The following HDAC9 variants were observed in gnomAD, a reference collection of about 807,000 sequenced individuals.
HDAC9 encodes the protein histone deacetylase 9, also known as MEF-2 interacting transcription repressor (MITR) protein.
A neutral mutation model predicts 139.4 loss-of-function variants in HDAC9; 41 were observed. That is an observed-to-expected ratio of 0.29 (90% confidence interval 0.23 to 0.38). HDAC9 has a LOEUF of 0.38. Among genes scored for constraint, HDAC9 ranks in the 10% least tolerant of loss-of-function variants. The probability of loss-of-function intolerance (pLI) is 1.00; values close to 1 mark genes in which losing one functional copy is unlikely to be tolerated. For missense variants in HDAC9, 1,147 were observed against 1,297.0 expected (o/e 0.88, Z 1.78); for synonymous variants, 517 against 476.2 (o/e 1.09, Z -1.12).
At chr7:18,738,287 T>C (rs986260113) in intron 13 of HDAC9, among the ~76,000 whole-genome samples, 2 of 152,224 alleles carry the variant, frequency 1.3e-5, no homozygotes, top group African/African-American at 4.8e-5. Context: ...TATGTGTGAA[T>C]TTGATCCTGT....
chr7:18,436,724 A>G lies in HDAC9; in HGVS notation c.-41-59538A>G, dbSNP rs560981797. Among the ~76,000 whole-genome samples, 13 of 152,336 alleles carry G rather than the reference A, an allele frequency of 8.5e-5. No homozygotes were observed. In the South Asian group the frequency reaches 1.5e-3, roughly 17 times the overall value. ...AAGTGAGGCTTCATTTTAATACACA[A>G]TTTATAGTTAAATCATCTCTGTGTT... On this transcript the variant is annotated intron_variant, in intron 1 of 3. Coordinates refer to the HDAC9 transcript ENST00000413509.
At chr7:18,308,077 A>G (rs1332410917) in intron 1 of HDAC9, among the ~76,000 whole-genome samples, 1 of 152,226 alleles carries the variant, frequency 6.6e-6, no homozygotes, top group Non-Finnish European at 1.5e-5. Context: ...AAATATAAAA[A>G]TACATGTTTT....
At chr7:18,394,802 C>T (rs1167861051) in intron 1 of HDAC9, among the ~76,000 whole-genome samples, 2 of 152,126 alleles carry the variant, frequency 1.3e-5, no homozygotes, top group Non-Finnish European at 2.9e-5. Flanking sequence ...CTTAGCCGAA[C>T]TGTTGTATGG....
chr7:18,867,572 T>A (rs1798588366), intron 21 of HDAC9, among the ~76,000 whole-genome samples: 1 of 152,252 alleles, frequency 6.6e-6, no homozygotes, highest in African/African-American at 2.4e-5. Flanking sequence ...AGGACTTTGC[T>A]GTCAATATCA....
intron 6 of HDAC9, among the ~76,000 whole-genome samples, chr7:18,614,549 T>A (rs1838071831): frequency 6.6e-6 from 1 of 152,174 alleles, no homozygotes. Context: ...ACAGAGTAAG[T>A]GCTTGGTAAA....
intron 17 of HDAC9, among the ~76,000 whole-genome samples, chr7:18,821,941 C>T (rs1296324502): frequency 6.6e-6 from 1 of 152,198 alleles, no homozygotes; most frequent in Non-Finnish European, 1.5e-5. Context: ...AACTCAGGAA[C>T]AGCCAGATGG....
intron 16 of HDAC9, among the ~76,000 whole-genome samples, chr7:18,770,716 A>G (rs931818684): frequency 1.3e-5 from 2 of 152,196 alleles, no homozygotes; most frequent in Admixed American, 1.3e-4. Context: ...CGCTTCTTTT[A>G]TGGCTCAGAG....
intron 12 of HDAC9, among the ~76,000 whole-genome samples, chr7:18,688,268 T>C (rs1480938713): frequency 6.6e-6 from 1 of 151,848 alleles, no homozygotes; most frequent in East Asian, 1.9e-4. Flanking sequence ...GGAAAAATGC[T>C]GTTTTATAAA....
intron 1 of HDAC9, among the ~76,000 whole-genome samples, chr7:18,111,638 A>G (rs1024223496): frequency 3.3e-5 from 5 of 152,202 alleles, no homozygotes; most frequent in East Asian, 1.9e-4. Context: ...AGTAGTTGGT[A>G]TACTGTATTG....
At chr7:18,286,176 A>G (rs760020656), upstream of HDAC9, among the ~76,000 whole-genome samples, 3 of 152,094 alleles carry the variant, frequency 2.0e-5, no homozygotes, top group Admixed American at 6.5e-5. Flanking sequence ...TAGTCAGCAT[A>G]TAACTTAAGA....
chr7:18,300,215 C>T (rs926485340), intron 1 of HDAC9, among the ~76,000 whole-genome samples: 27 of 149,900 alleles, frequency 1.8e-4, no homozygotes, highest in South Asian at 2.1e-4. Flanking sequence ...TTTAGCTCAT[C>T]GGCTATCATT....
chr7:18,198,597 A>G (rs1181997090), intron 2 of HDAC9, among the ~76,000 whole-genome samples: 1 of 152,178 alleles, frequency 6.6e-6, no homozygotes. Flanking sequence ...TCTGTTTTGA[A>G]TAGCACATTA....
At chr7:18,982,727 T>A (rs1785040010) in intron 25 of HDAC9, among the ~76,000 whole-genome samples, 2 of 152,300 alleles carry the variant, frequency 1.3e-5, no homozygotes, top group East Asian at 1.9e-4. Context: ...AATGGAATCA[T>A]GCGTGTGTAC....
chr7:18,812,942 AAAC>A (rs1794292966), intron 17 of HDAC9, among the ~76,000 whole-genome samples: 1 of 151,970 alleles, frequency 6.6e-6, no homozygotes, highest in Admixed American at 6.6e-5. Flanking sequence ...ATCATCCAAA[AAAC>A]TTTTCATTTC....
In HDAC9 at chr7:18,317,019, G is replaced by A. The variant is rs1394092821; in HGVS notation, c.-42+26504G>A. On this transcript the variant is annotated intron_variant, in intron 1 of 3. Transcript: ENST00000413509. ...TGAGGCAGGAGAATGGCGTGAACCC[G>A]GGAGGCAGAGCTTGCAGTGAGCCGA... is the stretch of plus-strand genomic sequence containing the variant. Among the ~76,000 whole-genome samples, 5 of 151,150 alleles carry A rather than the reference G, an allele frequency of 3.3e-5. No homozygotes were observed. In the South Asian group the frequency reaches 8.4e-4, roughly 25 times the overall value.
intron 22 of HDAC9, among the ~76,000 whole-genome samples, chr7:18,892,857 T>C (rs1288813154): frequency 6.6e-6 from 1 of 151,884 alleles, no homozygotes; most frequent in Non-Finnish European, 1.5e-5. Context: ...ACTTCTTTCT[T>C]GATAGAGAGA....
At chr7:18,856,447 T>A (rs974715991) in intron 21 of HDAC9, among the ~76,000 whole-genome samples, 1 of 152,176 alleles carries the variant, frequency 6.6e-6, no homozygotes, top group African/African-American at 2.4e-5. Flanking sequence ...CCACCACTCA[T>A]GGCTGCTGCA....
At chr7:18,894,347 G>T (rs1200771240) in intron 22 of HDAC9, among the ~76,000 whole-genome samples, 1 of 152,130 alleles carries the variant, frequency 6.6e-6, no homozygotes, top group Non-Finnish European at 1.5e-5. Flanking sequence ...GAGCCATGAG[G>T]GGGAGCCATA....
intron 1 of HDAC9, among the ~76,000 whole-genome samples, chr7:18,425,966 T>G (rs932680100): frequency 2.0e-5 from 3 of 152,200 alleles, no homozygotes; most frequent in African/African-American, 4.8e-5. Context: ...GAAGAGAGAT[T>G]TGTTTTCACT....
Sources: gnomAD v4.1 joint callset for allele counts (sites outside exome capture counted in the v4.1 genomes callset) on GRCh38, gnomAD v4.1.1 for gene constraint, MANE v1.5 for transcripts, NCBI Gene and HGNC (gene_info 2026-07-23, HGNC 2026-07-21) for gene names.